The following DIO2 variants were observed in gnomAD, a reference collection of about 807,000 sequenced individuals.
DIO2 encodes the protein iodothyronine deiodinase 2.
DIO2 carries 19 observed loss-of-function variants against 21.4 expected under a neutral mutation model. The ratio of observed to expected loss-of-function variants is 0.89; its 90% CI spans 0.62 to 1.30. The LOEUF is 1.30. DIO2 is among the 50% of genes most tolerant of loss of function. The pLI, the probability that DIO2 is intolerant of heterozygous loss-of-function variation, is 0.00. For missense variants in DIO2, 302 were observed against 338.1 expected (o/e 0.89, Z 0.84); for synonymous variants, 122 against 132.9 (o/e 0.92, Z 0.57).
intron 1 of DIO2, among the ~76,000 whole-genome samples, chr14:80,209,330 A>G (rs896705381): frequency 3.9e-5 from 6 of 152,002 alleles, no homozygotes; most frequent in Admixed American, 1.3e-4. Flanking sequence ...ATATGTATAT[A>G]AGTAAAATTC....
At chr14:80,215,061 A>G (rs535224740), upstream of DIO2, among the ~76,000 whole-genome samples, 2 of 152,264 alleles carry the variant, frequency 1.3e-5, no homozygotes, top group East Asian at 1.9e-4. Context: ...CCTTGTTTAG[A>G]TTTCATATGT....
At chr14:80,223,776 A>G (rs1346978040) in intron 2 of DIO2, among the ~76,000 whole-genome samples, 6 of 152,198 alleles carry the variant, frequency 3.9e-5, no homozygotes, top group Middle Eastern at 3.2e-3. Flanking sequence ...AAAGTTGCCT[A>G]CTCAATTTGG....
rs78051336 is a variant in DIO2, at chr14:80,210,162, AACT to A, written c.222+1086_222+1088del. The stretch of plus-strand genomic sequence containing the variant: ...GGAAACCAAGATTGTCTATTTTGAT[AACT>A]ACTTTTGCCAAAATAGTTCATTCTT... On this transcript the variant is annotated intron_variant, in intron 1 of 1. Transcript: ENST00000438257. Among the ~76,000 whole-genome samples the A allele has an allele frequency of 4.6e-3, 693 of 152,268 alleles. 21 individuals carry two copies. The highest frequency in any genetic ancestry group is 0.034 in the Admixed American group (516 of 15,282).
chr14:80,218,421 A>G (rs561568132), intron 2 of DIO2, among the ~76,000 whole-genome samples: 1 of 152,162 alleles, frequency 6.6e-6, no homozygotes, highest in East Asian at 1.9e-4. Context: ...TGAATCTTAA[A>G]CTCAACCCTA....
At chr14:80,212,116 T>C (rs1219433886), upstream of DIO2, 2 of 152,218 alleles carry the variant, frequency 1.3e-5, no homozygotes, top group East Asian at 3.9e-4. Flanking sequence ...GACTCCTCTT[T>C]TTTCTCACTC....
chr14:80,212,920 A>C (rs562044404), upstream of DIO2, among the ~76,000 whole-genome samples: 31 of 152,180 alleles, frequency 2.0e-4, no homozygotes, highest in African/African-American at 7.0e-4. Flanking sequence ...TTCATTTTGC[A>C]GATAAAATTA....
chr14:80,218,006 C>A (rs1320113483), intron 2 of DIO2, among the ~76,000 whole-genome samples: 1 of 152,144 alleles, frequency 6.6e-6, no homozygotes, highest in Non-Finnish European at 1.5e-5. Flanking sequence ...ATTTTTCTAC[C>A]TGCAAAATGG....
intron 1 of DIO2, among the ~76,000 whole-genome samples, chr14:80,210,856 T>A (rs958214344): frequency 1.3e-5 from 2 of 152,310 alleles, no homozygotes; most frequent in Middle Eastern, 3.4e-3. Flanking sequence ...TTCCTCAGTG[T>A]ACCTCAGCCT....
chr14:80,227,753 C>T (rs1169078177), intron 2 of DIO2, among the ~76,000 whole-genome samples: 1 of 152,158 alleles, frequency 6.6e-6, no homozygotes, highest in East Asian at 1.9e-4. Flanking sequence ...TTTGCAGAAC[C>T]TTCTCCGGTT....
intron 2 of DIO2, among the ~76,000 whole-genome samples, chr14:80,225,651 C>T (rs1888560761): frequency 6.6e-6 from 1 of 152,194 alleles, no homozygotes; most frequent in Non-Finnish European, 1.5e-5. Context: ...CTTCAGCAAA[C>T]ACCTCAGCAG....
rs190834952 is a variant in DIO2 at position 80,199,954 on chromosome 14, C to T, written c.*2735G>A. The T allele has an allele frequency of 1.3e-5, 2 of 152,622 alleles. No homozygotes were observed. The highest frequency in any genetic ancestry group is 2.4e-5 in the African/African-American group (1 of 41,536). The allele number at this position is 152,622 out of a possible 1,614,324, so 9.5% of individuals were successfully genotyped here. A position where few individuals can be genotyped will look rare whatever the true frequency, so the allele number is the denominator to read the frequency against. On this transcript the variant is annotated 3_prime_UTR_variant, in exon 2 of 2. Coordinates refer to ENST00000438257, the MANE Select transcript of DIO2 (RefSeq NM_013989.5). ...AACAAACCTTATAAAACACATGAAA[C>T]GCACATGAGTATTGGCAATCTAATA...
In DIO2 at chr14:80,198,988, G is replaced by A. The variant is rs1371082375; in HGVS notation, c.*3701C>T. On this transcript the variant is annotated 3_prime_UTR_variant, in exon 2 of 2. Transcript: ENST00000438257. ...TTATTTTCCAAACCATCAGTCAGAGGTCGGGTGGAACAAATGTCCAGATTC... is the reference window on the plus strand; with the variant it reads ...TTATTTTCCAAACCATCAGTCAGAGATCGGGTGGAACAAATGTCCAGATTC... 6.6e-6 allele frequency: 1 copy of A among 152,182 alleles called. No homozygotes were observed. The highest frequency in any genetic ancestry group is 2.4e-5 in the African/African-American group (1 of 41,430). The allele number at this position is 152,182 out of a possible 1,614,324, so 9.4% of individuals were successfully genotyped here. A position where few individuals can be genotyped will look rare whatever the true frequency, so the allele number is the denominator to read the frequency against.
Position 80,203,256 on chromosome 14 carries a change from A to C in DIO2, c.255T>G (p.Ser85Arg), listed in dbSNP as rs1315737586. 6 of 1,600,552 alleles carry C rather than the reference A, an allele frequency of 3.7e-6. No individual in the cohort carries two copies. The highest frequency in any genetic ancestry group is 5.1e-6 in the Non-Finnish European group (6 of 1,173,130). Residue 85 changes from serine (S) to arginine (R), a missense_variant, in exon 2 of 2, where the codon AGT (serine) becomes AGG (arginine). Ser to Arg is a moderately radical substitution (Grantham distance 110). Coordinates refer to ENST00000438257, the MANE Select transcript of DIO2 (RefSeq NM_013989.5). ...CTTCTGTACTGGAGACATGCACCAC[A>C]CTGGAATTGGGGGCATCCTCACCCA... ...VKLGEDAPNS[S>R]VVHVSSTEGG... is the part of the protein sequence containing the mutation.
intron 2 of DIO2, among the ~76,000 whole-genome samples, chr14:80,221,221 C>T (rs1454809681): frequency 6.6e-6 from 1 of 152,158 alleles, no homozygotes; most frequent in East Asian, 1.9e-4. Context: ...TTATTGTCTA[C>T]AGAAAGCATC....
chr14:80,214,529 A>G (rs1159183903), upstream of DIO2, among the ~76,000 whole-genome samples: 1 of 152,082 alleles, frequency 6.6e-6, no homozygotes, highest in African/African-American at 2.4e-5. Flanking sequence ...TTTAAATAGG[A>G]GAACAAAAAG....
chr14:80,207,040 T>C (rs1266626336), intron 1 of DIO2, among the ~76,000 whole-genome samples: 1 of 152,190 alleles, frequency 6.6e-6, no homozygotes, highest in Admixed American at 6.5e-5. Flanking sequence ...AAATGTGATA[T>C]TGTCATCGCT....
rs891064886 is a variant in DIO2 at position 80,201,200 on chromosome 14, G to A, written c.*1489C>T. The A allele has an allele frequency of 3.3e-5, 5 of 151,534 alleles. No homozygotes were observed. The highest frequency in any genetic ancestry group is 3.5e-3 in the Middle Eastern group (1 of 286). 9.4% of individuals were successfully genotyped at this position (151,534 alleles called of 1,614,324 possible). A position where few individuals can be genotyped will look rare whatever the true frequency, so the allele number is the denominator to read the frequency against. ...TAGCATTATAATCATATACTATAGGGACTTTAGATTACTAAACCTCAGCTA... is the reference window on the plus strand; with the variant it reads ...TAGCATTATAATCATATACTATAGGAACTTTAGATTACTAAACCTCAGCTA... On this transcript the variant is annotated 3_prime_UTR_variant, in exon 2 of 2. Transcript: ENST00000438257.
chr14:80,214,041 A>G (rs1888290639), upstream of DIO2, among the ~76,000 whole-genome samples: 9 of 152,186 alleles, frequency 5.9e-5, no homozygotes, highest in Admixed American at 5.9e-4. Context: ...AAACTACTCA[A>G]TGTCCTTATG....
In DIO2 at chr14:80,208,168, A is replaced by G. The variant is rs546653452; in HGVS notation, c.222+3083T>C. ...TTAGTCTCTGAGCGCCAGCACAAGG[A>G]TATACTGTTCAGATGCAATGACGCT... is the stretch of plus-strand genomic sequence containing the variant. On this transcript the variant is annotated intron_variant, in intron 1 of 1. Coordinates refer to ENST00000438257, the MANE Select transcript of DIO2 (RefSeq NM_013989.5). Among the ~76,000 whole-genome samples the G allele has an allele frequency of 9.1e-4, 139 of 152,298 alleles. 1 individual carries two copies. The highest frequency in any genetic ancestry group is 3.0e-3 in the African/African-American group (126 of 41,578).
Sources: gnomAD v4.1 joint callset for allele counts (sites outside exome capture counted in the v4.1 genomes callset) on GRCh38, gnomAD v4.1.1 for gene constraint, MANE v1.5 for transcripts, NCBI Gene and HGNC (gene_info 2026-07-23, HGNC 2026-07-21) for gene names.